Variants in BDH1 observed in about 807,000 individuals in gnomAD.
BDH1 encodes the protein D-beta-hydroxybutyrate dehydrogenase, mitochondrial.
In BDH1, 30 loss-of-function variants were observed where a neutral mutation model predicts 33.1. The observed-to-expected ratio is 0.91, with a 90% confidence interval of 0.68 to 1.23. The LOEUF is 1.23. Among genes scored for constraint, BDH1 ranks in the 50% most tolerant of loss-of-function variants. The pLI is 0.00. For missense variants in BDH1, 443 were observed against 464.4 expected, an observed-to-expected ratio of 0.95 and a Z score of 0.42; for synonymous variants, 190 against 183.6, an observed-to-expected ratio of 1.03 and a Z score of -0.28.
chr3:197,519,980 G>GC (rs1032648393), intron 6 of BDH1, among the ~76,000 whole-genome samples: 10 of 152,002 alleles, frequency 6.6e-5, no homozygotes, highest in South Asian at 2.1e-4. Context: ...AACCAAATGT[G>GC]CCCCCCCGGT....
chr3:197,552,938 G>T (rs1450978287), intron 2 of BDH1, among the ~76,000 whole-genome samples: 1 of 152,168 alleles, frequency 6.6e-6, no homozygotes, highest in African/African-American at 2.4e-5. Flanking sequence ...GATTCATTGA[G>T]ATGGAATCTC....
chr3:197,510,697 G>GTGTGTACA lies in BDH1; in HGVS notation c.*1197_*1198insTGTACACA, dbSNP rs1711920389. ...ACATGTGTGTAAGGTGTGTGTGTGT[G>GTGTGTACA]TGTGTGTGTGTGTGTGTGTGTACAT... On this transcript the variant is annotated 3_prime_UTR_variant, in exon 8 of 8. Coordinates refer to ENST00000392379, the MANE Select transcript of BDH1 (RefSeq NM_203314.3). 9.8e-6 allele frequency: 1 copy of GTGTGTACA among 101,670 alleles called. No homozygotes were observed. The highest frequency in any genetic ancestry group is 2.1e-5 in the Non-Finnish European group (1 of 48,770). 6.3% of individuals were successfully genotyped at this position (101,670 alleles called of 1,614,324 possible). A position where few individuals can be genotyped will look rare whatever the true frequency, so the allele number is the denominator to read the frequency against.
At position 197,525,900 on chromosome 3, in the gene BDH1, T is replaced by A. The variant is rs1303542639; in HGVS notation, c.268-3119A>T. ...CTGCAGGTCTGTGTGCTCCCTCTGC[T>A]GGTCTCCGTGCTCCCTCTGCAGGTC... On this transcript the variant is annotated intron_variant, in intron 5 of 7. Coordinates refer to ENST00000392379, the MANE Select transcript of BDH1 (RefSeq NM_203314.3). The surrounding 1 kb of genome is among the most constrained non-coding windows in gnomAD (Gnocchi z 4.9). Among the ~76,000 whole-genome samples, 1 of 150,980 alleles carries A rather than the reference T, an allele frequency of 6.6e-6. No individual in the cohort carries two copies. Among genetic ancestry groups the A allele is most frequent in the African/African-American group, 2.5e-5 (1 of 40,540 alleles).
intron 4 of BDH1, 54 bp downstream of exon 4, chr3:197,533,435 A>C (rs547974139): frequency 6.3e-7 from 1 of 1,576,088 alleles, no homozygotes; most frequent in South Asian, 1.1e-5. Context: ...AGGGGCCCAG[A>C]AGAAAGGGTT....
rs557478689 is a variant in BDH1, at chr3:197,525,849, T to G, written c.268-3068A>C. Among the ~76,000 whole-genome samples, 4 of 152,152 alleles carry G rather than the reference T, an allele frequency of 2.6e-5. No homozygotes were observed. Among genetic ancestry groups the G allele is most frequent in the African/African-American group, 7.2e-5 (3 of 41,514 alleles). On this transcript the variant is annotated intron_variant, in intron 5 of 7. Transcript: ENST00000392379. The surrounding 1 kb of genome is among the most constrained non-coding windows in gnomAD (Gnocchi z 4.9). ...CTCCCTGGACCCAGGGTTTCTGTGC[T>G]CCCTCTGCAGGTCTCCGTGCTCCCT...
intron 2 of BDH1, among the ~76,000 whole-genome samples, chr3:197,547,052 T>A (rs1234026775): frequency 6.6e-6 from 1 of 152,174 alleles, no homozygotes; most frequent in Non-Finnish European, 1.5e-5. Flanking sequence ...AATCAGTAAT[T>A]CATTATAGCA....
At chr3:197,553,899 G>C (rs1716775924) in intron 2 of BDH1, among the ~76,000 whole-genome samples, 1 of 152,174 alleles carries the variant, frequency 6.6e-6, no homozygotes, top group South Asian at 2.1e-4. Flanking sequence ...CAAGATGTTT[G>C]GTCTAGGTGT....
Position 197,523,102 on chromosome 3 carries a change from G to A in BDH1, c.268-321C>T. ...GCAGGCGGGGGCCCTGGGGAGTACA[G>A]GACATGTCAGGAATTACCACGTGGG... On this transcript the variant is annotated intron_variant, in intron 5 of 7. Transcript: ENST00000392379. The surrounding 1 kb of genome is among the most constrained non-coding windows in gnomAD (Gnocchi z 4.5). 1 of 318,356 alleles carries A rather than the reference G, an allele frequency of 3.1e-6. No individual in the cohort carries two copies. Among genetic ancestry groups the A allele is most frequent in the Non-Finnish European group, 5.7e-6 (1 of 175,590 alleles). The allele number at this position is 318,356 out of a possible 1,614,324, so 19.7% of individuals were successfully genotyped here. A position where few individuals can be genotyped will look rare whatever the true frequency, so the allele number is the denominator to read the frequency against.
chr3:197,563,580 G>A (rs985347642), intron 1 of BDH1, among the ~76,000 whole-genome samples: 17 of 152,148 alleles, frequency 1.1e-4, no homozygotes, highest in Admixed American at 9.8e-4. Context: ...TTAGGTGAAT[G>A]TAATACTTGT....
intron 5 of BDH1, among the ~76,000 whole-genome samples, chr3:197,527,182 C>T (rs182629391): frequency 2.0e-5 from 3 of 152,170 alleles, no homozygotes; most frequent in East Asian, 3.9e-4. Flanking sequence ...CAGAGAGGAG[C>T]GAGCCTGGGC....
chr3:197,559,719 C>A (rs1717198785), upstream of BDH1, among the ~76,000 whole-genome samples: 1 of 152,240 alleles, frequency 6.6e-6, no homozygotes, highest in Non-Finnish European at 1.5e-5. Flanking sequence ...TAGGGCATCA[C>A]GAGTGAACTC....
Position 197,522,766 on chromosome 3 carries a change from C to T in BDH1, c.283G>A (p.Gly95Arg). 6.2e-7 allele frequency: 1 copy of T among 1,614,018 alleles called. No homozygotes were observed. The highest frequency in any genetic ancestry group is 8.5e-7 in the Non-Finnish European group (1 of 1,179,960). Residue 95 changes from glycine (G) to arginine (R), a missense_variant, in exon 6 of 8, where the codon GGG becomes AGG. Transcript: ENST00000392379. The surrounding 1 kb of genome is among the most constrained non-coding windows in gnomAD (Gnocchi z 4.8). ...GCLMKDKGHDGVKELDSLNSD... is the reference protein window; with the variant it reads ...GCLMKDKGHDRVKELDSLNSD... ...TTTAGGCTGTCCAGCTCCTTGACCC[C>T]ATCATGGCCTTTGTCCTGGGGAGGA...
chr3:197,524,133 AC>A (rs1446873733), intron 5 of BDH1, among the ~76,000 whole-genome samples: 1 of 152,240 alleles, frequency 6.6e-6, no homozygotes, highest in Admixed American at 6.5e-5. Context: ...GGGATGAGCT[AC>A]ACTCGATGTG....
intron 3 of BDH1, chr3:197,542,942 T>G: frequency 3.1e-6 from 3 of 963,120 alleles, no homozygotes; most frequent in Non-Finnish European, 3.7e-6. Flanking sequence ...TGGTGCAGTC[T>G]GGCACCTCCC....
At chr3:197,569,764 A>G (rs1808626) in intron 1 of BDH1, among the ~76,000 whole-genome samples, 54,335 of 152,102 alleles carry the variant, frequency 0.36, 10,089 homozygotes, top group African/African-American at 0.42. Flanking sequence ...CTGTGAGTCC[A>G]TTAAACCTCT....
At chr3:197,524,294 C>G (rs1404791926) in intron 5 of BDH1, among the ~76,000 whole-genome samples, 3 of 152,188 alleles carry the variant, frequency 2.0e-5, no homozygotes, top group Admixed American at 6.5e-5. Context: ...AAGGGCTTGC[C>G]CATGGCACAC....
chr3:197,557,493 C>A (rs533003099), upstream of BDH1, among the ~76,000 whole-genome samples: 6 of 152,268 alleles, frequency 3.9e-5, no homozygotes, highest in East Asian at 9.6e-4. This position sits in a 1 kb window ranked among gnomAD's most constrained non-coding sequence, Gnocchi z 4.6. Flanking sequence ...GCCTATAATC[C>A]CAGCACTGTA....
upstream of BDH1, among the ~76,000 whole-genome samples, chr3:197,560,506 A>G (rs141728320): frequency 0.036 from 5,538 of 152,280 alleles, 315 homozygotes; most frequent in African/African-American, 0.12. Context: ...GTTCCAGCCA[A>G]TGGAAACCAG....
At chr3:197,559,573 A>C (rs1042261828), upstream of BDH1, among the ~76,000 whole-genome samples, 1 of 152,190 alleles carries the variant, frequency 6.6e-6, no homozygotes, top group African/African-American at 2.4e-5. Context: ...AGGCTCTGCT[A>C]TTTGGGGGAA....
Sources: gnomAD v4.1 joint callset for allele counts (sites outside exome capture counted in the v4.1 genomes callset) on GRCh38, gnomAD v4.1.1 for gene constraint, Gnocchi (gnomAD v3.1) non-coding constraint, MANE v1.5 for transcripts, NCBI Gene and HGNC (gene_info 2026-07-23, HGNC 2026-07-21) for gene names.